ACP1: variants seen among roughly 807,000 people sequenced by gnomAD.
The protein encoded by ACP1 is acid phosphatase 1, also known as low molecular weight phosphotyrosine protein phosphatase.
In ACP1, 23 loss-of-function variants were observed where a neutral mutation model predicts 23.4. The observed-to-expected ratio is 0.98, with a 90% CI of 0.71 to 1.39. ACP1 has a LOEUF of 1.39. ACP1 is among the 40% of genes most tolerant of loss of function. The pLI, the probability that ACP1 is intolerant of heterozygous loss-of-function variation, is 0.00. For missense variants in ACP1, 180 were observed against 197.7 expected (o/e 0.91, Z 0.54); for synonymous variants, 72 against 67.2 (o/e 1.07, Z -0.35).
chr2:272,235 G>A (rs761738401), intron 3 of ACP1, 85 bp downstream of exon 3: 24 of 1,614,028 alleles, frequency 1.5e-5, no homozygotes, highest in Non-Finnish European at 1.9e-5. Flanking sequence ...AACGTGGGCC[G>A]GTCCCCAGAC....
In ACP1 at chr2:275,355, A is replaced by T. The variant is rs1670142770; in HGVS notation, c.293+154A>T. The T allele has an allele frequency of 9.6e-6, 4 of 417,896 alleles. 1 individual carries two copies. The Admixed American group carries it at 1.2e-4, about 13-fold the overall frequency. The allele number at this position is 417,896 out of a possible 1,614,324, so 25.9% of individuals were successfully genotyped here. On this transcript the variant is annotated intron_variant, in intron 4 of 5. Transcript: ENST00000272065. The stretch of plus-strand genomic sequence containing the variant: ...ATTATTTTATTTAGAACAGCAAAAA[A>T]CTTAGTAATCTAGAATTGTCTCTTA...
At chr2:265,146 A>G in intron 1 of ACP1, 139 bp downstream of exon 1, 1 of 953,272 alleles carries the variant, frequency 1.0e-6, no homozygotes. Context: ...GTGTTCTAGG[A>G]GTGTGCCGCA....
intron 1 of ACP1, among the ~76,000 whole-genome samples, chr2:267,536 A>G (rs902681370): frequency 6.6e-6 from 1 of 152,246 alleles, no homozygotes; most frequent in African/African-American, 2.4e-5. Flanking sequence ...TCCTGAACCC[A>G]GAGGAAAGCA....
chr2:277,201 TTTTC>T (rs779378434), intron 5 of ACP1, 22 bp from the exon 6 acceptor site: 40 of 1,613,158 alleles, frequency 2.5e-5, no homozygotes, highest in African/African-American at 4.0e-5. Flanking sequence ...GGTTTTGCCA[TTTTC>T]TTCTTTTTCC....
intron 4 of ACP1, 73 bp downstream of exon 4, chr2:275,274 ATTTACT>A: frequency 1.2e-6 from 1 of 837,830 alleles, no homozygotes; most frequent in Non-Finnish European, 1.9e-6. Flanking sequence ...TGTTGTCCAG[ATTTACT>A]TTTTCTATTT....
chr2:273,554 A>G (rs1235534343), intron 3 of ACP1, among the ~76,000 whole-genome samples: 1 of 152,208 alleles, frequency 6.6e-6, no homozygotes, highest in Non-Finnish European at 1.5e-5. Context: ...GTGCTAGAGC[A>G]GCACAGCCAG....
Position 273,459 on chromosome 2 carries a change from T to G in ACP1, c.231+1309T>G, listed in dbSNP as rs79178252. ...GAGTCTGCAGATTGGGGCCTGCACCTTTTTTTGAGGCACCTTTTTTATGAA... is the reference window on the plus strand; with the variant it reads ...GAGTCTGCAGATTGGGGCCTGCACCGTTTTTTGAGGCACCTTTTTTATGAA... On this transcript the variant is annotated intron_variant, in intron 3 of 5. Transcript: ENST00000272065. Among the ~76,000 whole-genome samples the G allele has an allele frequency of 7.1e-4, 108 of 152,340 alleles. 1 individual carries two copies. In the East Asian group the frequency reaches 0.017, roughly 24 times the overall value.
At chr2:266,641 C>T (rs1033757274) in intron 1 of ACP1, among the ~76,000 whole-genome samples, 4 of 152,162 alleles carry the variant, frequency 2.6e-5, no homozygotes, top group Non-Finnish European at 5.9e-5. Flanking sequence ...AATGTAATAC[C>T]GTTGCCACCT....
intron 1 of ACP1, chr2:266,192 G>A (rs186802763): frequency 1.1e-4 from 17 of 152,262 alleles, no homozygotes; most frequent in African/African-American, 3.6e-4. Context: ...AATAACTGTG[G>A]CTTATTTTTC....
chr2:272,557 T>G lies in ACP1; in HGVS notation c.231+407T>G. On this transcript the variant is annotated intron_variant, in intron 3 of 5. Transcript: ENST00000272065. Reference sequence around the variant, plus strand: ...AGAGAGCCTGACTGTGAGCTGGGGCTGAGCGGTGCTCTGTCTTCTGTTCCT... The same window carrying G: ...AGAGAGCCTGACTGTGAGCTGGGGCGGAGCGGTGCTCTGTCTTCTGTTCCT... The G allele has an allele frequency of 2.6e-6, 3 of 1,160,862 alleles. No individual in the cohort carries two copies. The South Asian group carries it at 5.3e-5, about 21-fold the overall frequency. The allele number at this position is 1,160,862 out of a possible 1,614,324, so 71.9% of individuals were successfully genotyped here.
intron 1 of ACP1, among the ~76,000 whole-genome samples, chr2:265,473 G>T (rs905472527): frequency 3.9e-5 from 6 of 152,150 alleles, no homozygotes; most frequent in African/African-American, 1.4e-4. Context: ...TACGGTTTCG[G>T]GTTTCTTGAT....
rs768273896 is a variant in ACP1 at position 265,039 on chromosome 2, C to T, written c.43+32C>T. ...GGGCGCCGACTTACTCATGTTCTGA[C>T]GTCCTCTGGAGAGTTGGATCGGGCT... On this transcript the variant is annotated intron_variant, in intron 1 of 5. Coordinates refer to ENST00000272065, the MANE Select transcript of ACP1 (RefSeq NM_004300.4). 6.2e-6 allele frequency: 10 copies of T among 1,610,098 alleles called. No individual in the cohort carries two copies. The African/African-American group carries it at 9.4e-5, about 15-fold the overall frequency.
At chr2:269,267 G>A (rs1235756460) in intron 1 of ACP1, 4 of 468,922 alleles carry the variant, frequency 8.5e-6, no homozygotes, top group Middle Eastern at 3.3e-4. Flanking sequence ...GGTATTCAAG[G>A]CTAATTTGTT....
intron 3 of ACP1, among the ~76,000 whole-genome samples, chr2:273,742 T>C (rs1337952142): frequency 2.0e-5 from 3 of 152,260 alleles, no homozygotes; most frequent in Non-Finnish European, 4.4e-5. Context: ...TTCTCAATTA[T>C]TGTAACATCT....
chr2:271,998 C>CAAAAAAAAA, intron 2 of ACP1, 39 bp from the exon 3 acceptor site: 1 of 1,482,652 alleles, frequency 6.7e-7, no homozygotes, highest in Non-Finnish European at 9.2e-7. Context: ...CAGGAAATTG[C>CAAAAAAAAA]AAAAAAAAAA....
chr2:266,938 G>A (rs910225504), intron 1 of ACP1, among the ~76,000 whole-genome samples: 5 of 152,032 alleles, frequency 3.3e-5, no homozygotes, highest in Non-Finnish European at 5.9e-5. Context: ...AGGGTGACTC[G>A]AACTCAGGCA....
rs868290111 is a variant in ACP1 at position 265,090 on chromosome 2, C to G, written c.43+83C>G. The G allele has an allele frequency of 2.6e-6, 4 of 1,564,648 alleles. No individual in the cohort carries two copies. The East Asian group carries it at 9.3e-5, about 36-fold the overall frequency. ...TGTGCGCTGTAGGTTGTGCCGCCGG[C>G]CTAGGAACCATGAGGGGGAGGAGGC... On this transcript the variant is annotated intron_variant, in intron 1 of 5. Transcript: ENST00000272065.
chr2:272,425 A>G (rs1008003942), intron 3 of ACP1: 2 of 1,465,124 alleles, frequency 1.4e-6, no homozygotes, highest in South Asian at 1.4e-5. Flanking sequence ...TTAACCAGCT[A>G]TGGTGTGTCC....
chr2:264,990 T>A lies in ACP1; in HGVS notation c.26T>A (p.Val9Glu). The A allele has an allele frequency of 6.2e-7, 1 of 1,613,200 alleles. No individual in the cohort carries two copies. Among genetic ancestry groups the A allele is most frequent in the Non-Finnish European group, 8.5e-7 (1 of 1,179,622 alleles). Residue 9 changes from valine to glutamate, a missense_variant, in exon 1 of 6, where the codon GTG becomes GAG. Around this residue, in one of 3 missense-constraint regions of ACP1, gnomAD observed 132 missense variants for 124.1 expected, o/e 1.06. Coordinates refer to ENST00000272065, the MANE Select transcript of ACP1 (RefSeq NM_004300.4). MAEQATKS[V>E]LFVCLGNICR... ...ATGGCGGAACAGGCTACCAAGTCCG[T>A]GCTGTTTGTGTGTCTGGGTAAGAGG...
Sources: gnomAD v4.1 joint callset for allele counts (sites outside exome capture counted in the v4.1 genomes callset) on GRCh38, gnomAD v4.1.1 for gene constraint, gnomAD v4.1.1 regional missense constraint, MANE v1.5 for transcripts, NCBI Gene and HGNC (gene_info 2026-07-23, HGNC 2026-07-21) for gene names.